Variants in CEP112 observed in about 807,000 individuals in gnomAD.
The protein encoded by CEP112 is centrosomal protein 112.
In CEP112, 127 loss-of-function variants were observed where a neutral mutation model predicts 153.0. That is an observed-to-expected ratio of 0.83 (90% CI 0.72 to 0.96). The LOEUF (loss-of-function observed/expected upper bound fraction) is 0.96. Ranked by LOEUF, CEP112 falls within the 40% of genes least tolerant of loss-of-function variation. CEP112 has a pLI of 0.00. For synonymous variants in CEP112, 358 were observed against 374.4 expected (o/e 0.96, Z 0.51); for missense variants, 1,089 against 1,101.2 (o/e 0.99, Z 0.16).
intron 17 of CEP112, among the ~76,000 whole-genome samples, chr17:65,966,563 T>C (rs1291777937): frequency 3.3e-5 from 5 of 152,198 alleles, no homozygotes; most frequent in African/African-American, 1.2e-4. Context: ...GAAAAACAGC[T>C]AGAAGAGTCC....
chr17:66,149,868 GTTTTTTTTTTTGTTTGTTTGTTTTT>G (rs1482706574), intron 4 of CEP112, among the ~76,000 whole-genome samples: 5 of 79,550 alleles, frequency 6.3e-5, no homozygotes, highest in Non-Finnish European at 1.2e-4. Flanking sequence ...TAAATTTAGG[GTTTTTTTTTTTGTTTGTTTGTTTTT>G]TTTTTTTTTT....
At chr17:66,166,022 T>C (rs1193823178) in intron 4 of CEP112, among the ~76,000 whole-genome samples, 3 of 152,204 alleles carry the variant, frequency 2.0e-5, no homozygotes, top group Non-Finnish European at 4.4e-5. Context: ...ATTCTCCAAG[T>C]TCTTTCTTAC....
At chr17:65,706,501 CAAGA>C (rs2048920374) in intron 23 of CEP112, among the ~76,000 whole-genome samples, 2 of 152,190 alleles carry the variant, frequency 1.3e-5, no homozygotes. Flanking sequence ...TGCCTAAAAT[CAAGA>C]AAGATACACA....
intron 21 of CEP112, among the ~76,000 whole-genome samples, chr17:65,761,560 A>G (rs1163476976): frequency 6.6e-6 from 1 of 152,114 alleles, no homozygotes; most frequent in Non-Finnish European, 1.5e-5. Context: ...CTCTTTAATC[A>G]CTGCTTTCTC....
chr17:65,983,052 G>C (rs1246710592), intron 17 of CEP112, among the ~76,000 whole-genome samples: 1 of 152,178 alleles, frequency 6.6e-6, no homozygotes, highest in Non-Finnish European at 1.5e-5. Context: ...TGGTTAGGAG[G>C]ATCTGACAGA....
chr17:66,183,155 A>G (rs545072156), intron 2 of CEP112, 39 bp downstream of exon 2: 1 of 1,376,108 alleles, frequency 7.3e-7, no homozygotes, highest in Non-Finnish European at 1.0e-6. Flanking sequence ...TAAAGAAAAA[A>G]ATTAATCTTA....
At chr17:65,899,165 G>A (rs1394113184) in intron 20 of CEP112, among the ~76,000 whole-genome samples, 1 of 152,084 alleles carries the variant, frequency 6.6e-6, no homozygotes, top group Non-Finnish European at 1.5e-5. Flanking sequence ...ATTTCAATAA[G>A]AGAGACCTGG....
intron 23 of CEP112, among the ~76,000 whole-genome samples, chr17:65,707,954 T>C (rs1298417199): frequency 6.6e-6 from 1 of 152,218 alleles, no homozygotes; most frequent in Admixed American, 6.5e-5. Flanking sequence ...TTCTTGGCAG[T>C]GTAGCCAAAA....
intron 16 of CEP112, among the ~76,000 whole-genome samples, chr17:66,026,507 C>T (rs758826801): frequency 5.3e-5 from 8 of 152,102 alleles, no homozygotes; most frequent in Non-Finnish European, 1.0e-4. Context: ...TATGACACAA[C>T]AGAATACCAA....
chr17:66,036,120 A>G (rs1185559588), intron 12 of CEP112, among the ~76,000 whole-genome samples: 1 of 152,244 alleles, frequency 6.6e-6, no homozygotes, highest in Non-Finnish European at 1.5e-5. Context: ...TCAAGGAGGG[A>G]CAAACACTGC....
intron 21 of CEP112, among the ~76,000 whole-genome samples, chr17:65,782,833 G>T (rs2054073259): frequency 6.6e-6 from 1 of 152,070 alleles, no homozygotes; most frequent in East Asian, 1.9e-4. Flanking sequence ...GGGAGAAGAG[G>T]GTAGGGGTGG....
chr17:65,751,728 T>C (rs963394113), intron 21 of CEP112, among the ~76,000 whole-genome samples: 1 of 152,228 alleles, frequency 6.6e-6, no homozygotes, highest in Non-Finnish European at 1.5e-5. Context: ...TATTCTGCCA[T>C]CATATTCATA....
rs556177539 is a variant in CEP112 at position 66,185,694 on chromosome 17, A to C, written c.-8-2387T>G. On this transcript the variant is annotated intron_variant, in intron 1 of 26. Coordinates refer to ENST00000535342, the MANE Select transcript of CEP112 (RefSeq NM_001199165.4). ...ACATACACACACTACATGTTCCTTT[A>C]AACTGTGAAATGTCCTGATAGGGAT... is the stretch of plus-strand genomic sequence containing the variant. Among the ~76,000 whole-genome samples, 193 of 152,338 alleles carry C rather than the reference A, an allele frequency of 1.3e-3. 2 individuals carry two copies. Among genetic ancestry groups the C allele is most frequent in the African/African-American group, 4.2e-3 (173 of 41,578 alleles).
intron 6 of CEP112, among the ~76,000 whole-genome samples, chr17:66,116,578 T>C (rs2069304928): frequency 1.3e-5 from 2 of 152,188 alleles, no homozygotes; most frequent in African/African-American, 2.4e-5. Context: ...TATTCAGGAG[T>C]GTGTTTGTAC....
At chr17:65,673,109 T>C (rs978417891) in intron 24 of CEP112, among the ~76,000 whole-genome samples, 4 of 152,162 alleles carry the variant, frequency 2.6e-5, no homozygotes, top group African/African-American at 7.2e-5. Context: ...TGGGCTCTTA[T>C]CTGGAGGCTC....
intron 8 of CEP112, among the ~76,000 whole-genome samples, chr17:66,073,531 A>G (rs1211704664): frequency 6.6e-6 from 1 of 152,234 alleles, no homozygotes; most frequent in Non-Finnish European, 1.5e-5. Context: ...AACAGCTGCT[A>G]CAGGTTAAAG....
intron 12 of CEP112, among the ~76,000 whole-genome samples, chr17:66,053,369 G>A (rs1914643): frequency 0.52 from 78,337 of 151,610 alleles, 21,118 homozygotes; most frequent in African/African-American, 0.59. Flanking sequence ...GCATGGTGGC[G>A]GGCACCTGTA....
chr17:65,958,363 C>T (rs2062072409), intron 18 of CEP112, among the ~76,000 whole-genome samples: 2 of 152,174 alleles, frequency 1.3e-5, no homozygotes, highest in Admixed American at 1.3e-4. Flanking sequence ...ATGTATATTA[C>T]ACGCATTACA....
At chr17:65,827,796 A>G (rs2056900846) in intron 21 of CEP112, among the ~76,000 whole-genome samples, 1 of 152,140 alleles carries the variant, frequency 6.6e-6, no homozygotes, top group African/African-American at 2.4e-5. Flanking sequence ...ATGCTCTTGC[A>G]TTAGGGTCTC....
Sources: allele counts gnomAD v4.1 joint callset (sites outside exome capture counted in the v4.1 genomes callset), GRCh38; gene constraint gnomAD v4.1.1; transcripts MANE v1.5; gene names NCBI Gene and HGNC (gene_info 2026-07-23, HGNC 2026-07-21).